SEC24D: variants seen among roughly 807,000 people sequenced by gnomAD.
The protein encoded by SEC24D is protein transport protein Sec24D.
In SEC24D, 69 loss-of-function variants were observed where a neutral mutation model predicts 116.9. The ratio of observed to expected loss-of-function variants is 0.59; its 90% CI spans 0.49 to 0.72. The LOEUF is 0.72. Ranked by LOEUF, SEC24D falls within the 30% of genes least tolerant of loss-of-function variation. The pLI, the probability that SEC24D is intolerant of heterozygous loss-of-function variation, is 0.00. For missense variants in SEC24D, 1,131 were observed against 1,264.1 expected (o/e 0.89, Z 1.60); for synonymous variants, 405 against 442.8 (o/e 0.91, Z 1.07).
chr4:118,730,077 C>T (rs887277504), intron 21 of SEC24D: 1 of 152,190 alleles, frequency 6.6e-6, no homozygotes, highest in Admixed American at 6.5e-5. Flanking sequence ...ACAGACCTAC[C>T]AATCTGCTGC....
At chr4:118,834,284 T>C (rs1730999913) in intron 1 of SEC24D, among the ~76,000 whole-genome samples, 1 of 152,254 alleles carries the variant, frequency 6.6e-6, no homozygotes, top group Admixed American at 6.5e-5. Context: ...TTATGAGTCA[T>C]AATTTGACCG....
At chr4:118,823,647 A>G (rs906729926) in intron 3 of SEC24D, among the ~76,000 whole-genome samples, 3 of 152,218 alleles carry the variant, frequency 2.0e-5, no homozygotes, top group African/African-American at 7.2e-5. Context: ...CAATAATGGG[A>G]TTTCTAACAG....
Position 118,815,551 on chromosome 4 carries a change from G to A in SEC24D, c.573C>T (p.Tyr191=). The change falls in exon 5 of 23, where the codon TAC becomes TAT. Residue 191 remains tyrosine, a synonymous_variant. Coordinates refer to ENST00000280551, the MANE Select transcript of SEC24D (RefSeq NM_014822.4). The part of the protein sequence containing the change: ...PGASPLPLPM[Y]RPDGLSGPPP... ...GAGGCCCAGAGAGCCCATCTGGTCT[G>A]TACATTGGTAGAGGCAAAGGTGAGG... 1 of 1,614,208 alleles carries A rather than the reference G, an allele frequency of 6.2e-7. No homozygotes were observed. Among genetic ancestry groups the A allele is most frequent in the East Asian group, 2.2e-5 (1 of 44,880 alleles).
At chr4:118,772,960 C>G (rs1475684218) in intron 8 of SEC24D, among the ~76,000 whole-genome samples, 2 of 152,158 alleles carry the variant, frequency 1.3e-5, no homozygotes, top group East Asian at 3.9e-4. Context: ...CCCATCTCTC[C>G]TTTCTTCTCT....
intron 8 of SEC24D, among the ~76,000 whole-genome samples, chr4:118,792,601 G>C (rs879042483): frequency 4.6e-5 from 7 of 152,112 alleles, no homozygotes; most frequent in African/African-American, 1.7e-4. Context: ...CCCCAACCCC[G>C]TGCTCTCTGA....
At chr4:118,779,970 G>A (rs1429456986) in intron 8 of SEC24D, among the ~76,000 whole-genome samples, 2 of 151,994 alleles carry the variant, frequency 1.3e-5, no homozygotes, top group African/African-American at 4.8e-5. Flanking sequence ...ATTTTTTATT[G>A]CATCTATTTG....
intron 14 of SEC24D, 129 bp from the exon 15 acceptor site, chr4:118,744,287 A>C (rs1202220948): frequency 1.0e-6 from 1 of 954,560 alleles, no homozygotes; most frequent in Non-Finnish European, 1.5e-6. Context: ...CGTTAAGTGA[A>C]CTGGGCTGAA....
intron 17 of SEC24D, among the ~76,000 whole-genome samples, chr4:118,740,226 A>G (rs1726160565): frequency 6.6e-6 from 1 of 152,192 alleles, no homozygotes; most frequent in Non-Finnish European, 1.5e-5. Context: ...CTAGGCCCTC[A>G]GAAACCTTGA....
At chr4:118,793,415 C>T (rs1229461649) in intron 8 of SEC24D, among the ~76,000 whole-genome samples, 5 of 141,094 alleles carry the variant, frequency 3.5e-5, no homozygotes, top group African/African-American at 5.4e-5. Context: ...TGCAGTGAGC[C>T]GAGATCCCGC....
Position 118,782,817 on chromosome 4 carries a change from C to T in SEC24D, c.1042-14506G>A, listed in dbSNP as rs76989021. On this transcript the variant is annotated intron_variant, in intron 8 of 22. Transcript: ENST00000280551. ...TCAAGCCTCAGCAATGGGGTACAAC[C>T]CTCCCCCCTGCCAGGCTGCTGCCTC... 2.0e-5 allele frequency among the ~76,000 whole-genome samples: 3 copies of T among 152,172 alleles called. No individual in the cohort carries two copies. The East Asian group carries it at 5.8e-4, about 29-fold the overall frequency.
intron 11 of SEC24D, 87 bp downstream of exon 11, chr4:118,757,634 C>A: frequency 1.6e-6 from 2 of 1,281,066 alleles, no homozygotes; most frequent in Non-Finnish European, 2.2e-6. Context: ...CAAAAAAAAT[C>A]AATTGGTCAT....
At chr4:118,773,168 T>G (rs1727986240) in intron 8 of SEC24D, among the ~76,000 whole-genome samples, 1 of 152,160 alleles carries the variant, frequency 6.6e-6, no homozygotes, top group Non-Finnish European at 1.5e-5. Flanking sequence ...ATTTCCTTCA[T>G]TAGAAGTATT....
chr4:118,753,687 T>C (rs1022117112), intron 11 of SEC24D, among the ~76,000 whole-genome samples: 4 of 152,062 alleles, frequency 2.6e-5, no homozygotes, highest in African/African-American at 9.7e-5. Flanking sequence ...TGGTCTAAAC[T>C]TAGTTTCATG....
chr4:118,777,874 T>A (rs1482462107), intron 8 of SEC24D, among the ~76,000 whole-genome samples: 1 of 152,266 alleles, frequency 6.6e-6, no homozygotes, highest in Non-Finnish European at 1.5e-5. Context: ...ATGATGAGCA[T>A]TTTTTCATGT....
intron 10 of SEC24D, among the ~76,000 whole-genome samples, chr4:118,759,329 T>G (rs750587144): frequency 1.3e-5 from 2 of 152,222 alleles, no homozygotes; most frequent in Non-Finnish European, 2.9e-5. Context: ...ACTTTCAGAA[T>G]GATTCTTTAA....
In SEC24D at chr4:118,797,765, G is replaced by C; in HGVS notation, c.959C>G (p.Pro320Arg). 1 of 1,611,270 alleles carries C rather than the reference G, an allele frequency of 6.2e-7. No homozygotes were observed. The highest frequency in any genetic ancestry group is 8.5e-7 in the Non-Finnish European group (1 of 1,177,998). The stretch of plus-strand genomic sequence containing the variant: ...TTGCTTAGCCATATCTGACGTGCAT[G>C]GAAAACAGTATGTTGTACAACGGAT... ...RFIRCTTYCFPCTSDMAKQAQ... is the reference protein window; with the variant it reads ...RFIRCTTYCFRCTSDMAKQAQ... The change falls in exon 8 of 23, where the codon CCA becomes CGA. Residue 320 changes from proline to arginine, a missense_variant. By Grantham distance (103) the Pro-to-Arg change is moderately radical. Coordinates refer to ENST00000280551, the MANE Select transcript of SEC24D (RefSeq NM_014822.4).
intron 8 of SEC24D, among the ~76,000 whole-genome samples, chr4:118,791,372 T>C (rs1728887755): frequency 6.6e-6 from 1 of 152,232 alleles, no homozygotes; most frequent in Admixed American, 6.5e-5. Context: ...TCTGTGGTTT[T>C]GCATCCTAGC....
intron 8 of SEC24D, among the ~76,000 whole-genome samples, chr4:118,778,763 C>T (rs1320488263): frequency 6.6e-6 from 1 of 152,100 alleles, no homozygotes; most frequent in Non-Finnish European, 1.5e-5. Context: ...TTGTTTGTGT[C>T]CTCTTTTATT....
chr4:118,739,236 T>G lies in SEC24D; in HGVS notation c.2290A>C (p.Asn764His). 1 of 1,613,726 alleles carries G rather than the reference T, an allele frequency of 6.2e-7. No homozygotes were observed. The highest frequency in any genetic ancestry group is 1.1e-5 in the South Asian group (1 of 91,062). The change falls in exon 18 of 23, where the codon AAT becomes CAT. Residue 764 changes from asparagine (N) to histidine (H), a missense_variant. By Grantham distance (68) the Asn-to-His change is moderately conservative. Coordinates refer to ENST00000280551, the MANE Select transcript of SEC24D (RefSeq NM_014822.4). ...ISGQRRLRIH[N>H]LGLNCSSQLA... ...TGAGAGCTGCAGTTTAAGCCAAGAT[T>G]GTGAATCCGAAGTCTTCTTTGACCA...
Sources: gnomAD v4.1 joint callset for allele counts (sites outside exome capture counted in the v4.1 genomes callset) on GRCh38, gnomAD v4.1.1 for gene constraint, MANE v1.5 for transcripts, NCBI Gene and HGNC (gene_info 2026-07-23, HGNC 2026-07-21) for gene names.